The following LRRC75A variants were observed in gnomAD, a reference collection of about 807,000 sequenced individuals.
The protein encoded by LRRC75A is leucine-rich repeat-containing protein 75A.
A neutral mutation model predicts 26.0 loss-of-function variants in LRRC75A; 12 were observed. The observed-to-expected ratio is 0.46, with a 90% CI of 0.30 to 0.75. The LOEUF is 0.75. Among genes scored for constraint, LRRC75A ranks in the 30% least tolerant of loss-of-function variants. The probability of loss-of-function intolerance (pLI) is 0.08; values close to 1 mark genes in which losing one functional copy is unlikely to be tolerated. For missense variants in LRRC75A, 410 were observed against 486.6 expected, an observed-to-expected ratio of 0.84 and a Z score of 1.48; for synonymous variants, 223 against 219.3, an observed-to-expected ratio of 1.02 and a Z score of -0.15.
chr17:16,443,745 C>T lies in LRRC75A; in HGVS notation c.878G>A (p.Gly293Asp). The change falls in exon 4 of 4, where the codon GGC becomes GAC. Residue 293 changes from glycine to aspartate, a missense_variant. Gly to Asp is a moderately conservative substitution (Grantham distance 94). Transcript: ENST00000470794. Reference protein sequence around the residue: ...LSLRKRSPKQGHLPTILELGE... With the variant: ...LSLRKRSPKQDHLPTILELGE... Reference sequence around the variant, plus strand: ...CAGCTCCAGGATGGTGGGTAGGTGGCCCTGCTTTGGGGAGCGCTTGCGCAG... The same window carrying T: ...CAGCTCCAGGATGGTGGGTAGGTGGTCCTGCTTTGGGGAGCGCTTGCGCAG... The T allele has an allele frequency of 6.2e-7, 1 of 1,613,756 alleles. No individual in the cohort carries two copies.
chr17:16,453,388 A>C (rs1441850395), intron 2 of LRRC75A, among the ~76,000 whole-genome samples: 1 of 152,036 alleles, frequency 6.6e-6, no homozygotes, highest in East Asian at 1.9e-4. Context: ...AGGGGGCATC[A>C]CTGCACTGCC....
intron 2 of LRRC75A, among the ~76,000 whole-genome samples, chr17:16,456,247 A>AAGGAAGAGGATCAGGAAGAGGAGGAGG (rs1568961007): frequency 7.1e-5 from 9 of 126,030 alleles, no homozygotes; most frequent in African/African-American, 2.2e-4. Context: ...GGAGGAGAAG[A>AAGGAAGAGGATCAGGAAGAGGAGGAGG]AGGAAGAGGA....
chr17:16,470,411 C>T (rs185831682), intron 1 of LRRC75A: 53 of 152,200 alleles, frequency 3.5e-4, no homozygotes, highest in Admixed American at 2.0e-3. Flanking sequence ...CACCGGGACC[C>T]GCATGTGCAA....
intron 2 of LRRC75A, among the ~76,000 whole-genome samples, chr17:16,449,110 G>GGATGCAAGCGCTGGACTCA (rs2093610441): frequency 1.3e-5 from 2 of 152,168 alleles, no homozygotes; most frequent in African/African-American, 4.8e-5. Context: ...GCTGAGGCTT[G>GGATGCAAGCGCTGGACTCA]GATGCAAGCG....
At position 16,477,020 on chromosome 17, in the gene LRRC75A, G is replaced by T. The variant is rs181616165; in HGVS notation, c.247-14634C>A. ...CCCAAAGTGCTGGGATTACAGGCGT[G>T]AGCCACTGCGCCCGGCCATGCCTGG... is the stretch of plus-strand genomic sequence containing the variant. On this transcript the variant is annotated intron_variant, in intron 1 of 3. Coordinates refer to ENST00000470794, the MANE Select transcript of LRRC75A (RefSeq NM_001113567.3). Among the ~76,000 whole-genome samples the T allele has an allele frequency of 8.3e-4, 125 of 151,432 alleles. 2 individuals are homozygous for T. The East Asian group carries it at 0.013, about 15-fold the overall frequency.
intron 2 of LRRC75A, among the ~76,000 whole-genome samples, chr17:16,456,112 G>A (rs1260823104): frequency 4.2e-4 from 62 of 148,108 alleles, no homozygotes; most frequent in African/African-American, 1.5e-3. Context: ...AGGGGGAGGA[G>A]GAGGAGTAGC....
chr17:16,461,719 G>A (rs558611009), intron 2 of LRRC75A, among the ~76,000 whole-genome samples: 13 of 152,312 alleles, frequency 8.5e-5, no homozygotes, highest in East Asian at 3.9e-4. Flanking sequence ...GCAGGGCCCC[G>A]GACGGCCTTC....
At chr17:16,480,803 G>A (rs1303236842) in intron 1 of LRRC75A, among the ~76,000 whole-genome samples, 1 of 152,142 alleles carries the variant, frequency 6.6e-6, no homozygotes, top group Non-Finnish European at 1.5e-5. Flanking sequence ...CTTCTACCCT[G>A]CCTGTGACGA....
intron 1 of LRRC75A, among the ~76,000 whole-genome samples, chr17:16,477,857 G>A (rs2093824760): frequency 1.3e-5 from 2 of 152,116 alleles, no homozygotes. Flanking sequence ...AGGGCTGGGA[G>A]GGGCCTATAC....
At position 16,462,946 on chromosome 17, in the gene LRRC75A, T is replaced by G. The variant is rs1268529197; in HGVS notation, c.247-560A>C. ...CATCAGGACTCCCTCAGAAAGGTAC[T>G]GAGTGGAATCTTCCCGATGGGAGGG... On this transcript the variant is annotated intron_variant, in intron 1 of 3. Transcript: ENST00000470794. This position sits in a 1 kb window ranked among gnomAD's most constrained non-coding sequence, Gnocchi z 4.6. 1 of 156,698 alleles carries G rather than the reference T, an allele frequency of 6.4e-6. No individual in the cohort carries two copies. Among genetic ancestry groups the G allele is most frequent in the African/African-American group, 2.4e-5 (1 of 41,584 alleles). 9.7% of individuals were successfully genotyped at this position (156,698 alleles called of 1,614,324 possible).
intron 2 of LRRC75A, among the ~76,000 whole-genome samples, chr17:16,450,676 G>A (rs954112677): frequency 6.6e-6 from 1 of 152,264 alleles, no homozygotes; most frequent in African/African-American, 2.4e-5. Flanking sequence ...CTGTGTGGAG[G>A]GAAGCAAGGC....
intron 1 of LRRC75A, among the ~76,000 whole-genome samples, chr17:16,479,567 A>G (rs1284451511): frequency 1.3e-5 from 2 of 152,220 alleles, no homozygotes; most frequent in Admixed American, 6.5e-5. Flanking sequence ...TCTATGGGCT[A>G]GAAGCCACAT....
intron 1 of LRRC75A, among the ~76,000 whole-genome samples, chr17:16,477,370 T>A (rs1240306604): frequency 1.3e-5 from 2 of 152,242 alleles, no homozygotes; most frequent in Non-Finnish European, 2.9e-5. Context: ...CCTCCAAGAA[T>A]CTGGATTCAG....
chr17:16,472,270 G>A (rs1568979653), intron 1 of LRRC75A, among the ~76,000 whole-genome samples: 1 of 151,940 alleles, frequency 6.6e-6, no homozygotes, highest in East Asian at 1.9e-4. Flanking sequence ...GGCATCCAAG[G>A]AGGTGCCACT....
At chr17:16,485,127 G>A (rs2093843510) in intron 1 of LRRC75A, among the ~76,000 whole-genome samples, 1 of 152,124 alleles carries the variant, frequency 6.6e-6, no homozygotes, top group African/African-American at 2.4e-5. Flanking sequence ...AGCCCTTCTA[G>A]TAATGGTGAG....
At position 16,441,605 on chromosome 17, in the gene LRRC75A, G is replaced by A. The variant is rs1601040690; in HGVS notation, c.*1983C>T. The A allele has an allele frequency of 3.1e-6, 1 of 323,942 alleles. No individual in the cohort carries two copies. 20.1% of individuals were successfully genotyped at this position (323,942 alleles called of 1,614,324 possible). On this transcript the variant is annotated 3_prime_UTR_variant, in exon 4 of 4. Transcript: ENST00000470794. ...TTTTTTTTTTTTTTGAGACAGTCTT[G>A]CTGTATTGCCCAGGCTGGAGTGTGG...
chr17:16,485,133 G>C lies in LRRC75A; in HGVS notation c.246+6612C>G, dbSNP rs556890920. Among the ~76,000 whole-genome samples the C allele has an allele frequency of 2.6e-5, 4 of 152,214 alleles. No individual in the cohort carries two copies. In the South Asian group the frequency reaches 8.3e-4, roughly 32 times the overall value. ...AGAACACCCAGCCCTTCTAGTAATG[G>C]TGAGTCCAAGACGCAGCAACCAAAT... is the stretch of plus-strand genomic sequence containing the variant. On this transcript the variant is annotated intron_variant, in intron 1 of 3. Coordinates refer to ENST00000470794, the MANE Select transcript of LRRC75A (RefSeq NM_001113567.3).
chr17:16,460,323 C>G (rs2093717860), intron 2 of LRRC75A, among the ~76,000 whole-genome samples: 1 of 152,216 alleles, frequency 6.6e-6, no homozygotes, highest in Non-Finnish European at 1.5e-5. Flanking sequence ...CAGGTATGCA[C>G]CCCCTGGCCC....
intron 1 of LRRC75A, among the ~76,000 whole-genome samples, chr17:16,464,677 C>G (rs1299527298): frequency 6.6e-6 from 1 of 152,216 alleles, no homozygotes; most frequent in Non-Finnish European, 1.5e-5. Context: ...GAGCTCTCTC[C>G]CTAGAAAAAT....
Sources: gnomAD v4.1 joint callset for allele counts (sites outside exome capture counted in the v4.1 genomes callset) on GRCh38, gnomAD v4.1.1 for gene constraint, Gnocchi (gnomAD v3.1) non-coding constraint, MANE v1.5 for transcripts, NCBI Gene and HGNC (gene_info 2026-07-23, HGNC 2026-07-21) for gene names.